Variants in HECTD4 observed in about 807,000 individuals in gnomAD.
HECTD4 encodes the protein probable E3 ubiquitin-protein ligase HECTD4.
A neutral mutation model predicts 471.5 loss-of-function variants in HECTD4; 114 were observed. The observed-to-expected ratio is 0.24, with a 90% CI of 0.21 to 0.28. HECTD4 has a LOEUF of 0.28. HECTD4 is among the 10% of genes least tolerant of loss of function. HECTD4 has a pLI of 1.00. For synonymous variants in HECTD4, 2,012 were observed against 2,256.0 expected, an observed-to-expected ratio of 0.89 and a Z score of 3.07; for missense variants, 3,866 against 5,651.5, an observed-to-expected ratio of 0.68 and a Z score of 10.13.
rs770457144 is a variant in HECTD4 at position 112,235,228 on chromosome 12, C to T, written c.5764G>A (p.Asp1922Asn). The T allele has an allele frequency of 1.9e-6, 3 of 1,613,826 alleles. No individual in the cohort carries two copies. Among genetic ancestry groups the T allele is most frequent in the African/African-American group, 2.7e-5 (2 of 74,904 alleles). ...TVLSPTASEP[D>N]TTLTKTSPKN... ...GGACTGGTTTTTGTCAATGTGGTGTCAGGTTCAGAAGCGGTTGGAGAAAGA... is the reference window on the plus strand; with the variant it reads ...GGACTGGTTTTTGTCAATGTGGTGTTAGGTTCAGAAGCGGTTGGAGAAAGA... The change falls in exon 37 of 76, where the codon GAC (aspartate) becomes AAC (asparagine). Residue 1922 changes from aspartate (D) to asparagine (N), a missense_variant. Asp to Asn is a conservative substitution (Grantham distance 23, BLOSUM62 1). Transcript: ENST00000682272. The surrounding 1 kb of genome is among the most constrained non-coding windows in gnomAD (Gnocchi z 5.0).
intron 67 of HECTD4, among the ~76,000 whole-genome samples, chr12:112,171,776 G>A (rs1215283910): frequency 6.6e-6 from 1 of 152,224 alleles, no homozygotes; most frequent in Non-Finnish European, 1.5e-5. Flanking sequence ...GAAAGAGCCA[G>A]GGCTCTGTGT....
rs1272472414 is a variant in HECTD4 at position 112,243,221 on chromosome 12, C to T, written c.4958+132G>A. On this transcript the variant is annotated intron_variant, in intron 32 of 75. Transcript: ENST00000682272. This position sits in a 1 kb window ranked among gnomAD's most constrained non-coding sequence, Gnocchi z 6.6. ...GTTGAGTTTTTTGCAAGATCATGTACCACTTTTATATAAATATTTTAGAGG... is the reference window on the plus strand; with the variant it reads ...GTTGAGTTTTTTGCAAGATCATGTATCACTTTTATATAAATATTTTAGAGG... The T allele has an allele frequency of 3.7e-6, 3 of 821,264 alleles. No homozygotes were observed. The highest frequency in any genetic ancestry group is 2.9e-5 in the Admixed American group (1 of 34,172). 50.9% of individuals were successfully genotyped at this position (821,264 alleles called of 1,614,324 possible).
chr12:112,312,021 T>G (rs994486892), intron 4 of HECTD4, among the ~76,000 whole-genome samples: 10 of 152,154 alleles, frequency 6.6e-5, no homozygotes, highest in African/African-American at 2.4e-4. Context: ...AGCCCTGGGC[T>G]GAGAGATGCG....
chr12:112,211,560 G>A lies in HECTD4; in HGVS notation c.7629+927C>T, dbSNP rs551027032. On this transcript the variant is annotated intron_variant, in intron 49 of 75. Transcript: ENST00000682272. ...AAAAAAAAAAAGATAAGACGTGAAC[G>A]GGCAAGAATGGGGACTGGGAGAGGA... is the stretch of plus-strand genomic sequence containing the variant. Among the ~76,000 whole-genome samples, 27 of 152,004 alleles carry A rather than the reference G, an allele frequency of 1.8e-4. No individual in the cohort carries two copies. In the South Asian group the frequency reaches 4.8e-3, roughly 27 times the overall value.
At chr12:112,286,044 C>G (rs1489141022) in intron 7 of HECTD4, among the ~76,000 whole-genome samples, 2 of 152,104 alleles carry the variant, frequency 1.3e-5, no homozygotes, top group Admixed American at 1.3e-4. Context: ...AAACAAAACA[C>G]TATATTATTG....
rs778069663 is a variant in HECTD4, at chr12:112,184,525, T to C, written c.10441A>G (p.Met3481Val). The C allele has an allele frequency of 4.4e-6, 7 of 1,608,530 alleles. No individual in the cohort carries two copies. Among genetic ancestry groups the C allele is most frequent in the East Asian group, 4.5e-5 (2 of 44,834 alleles). The stretch of plus-strand genomic sequence containing the variant: ...GTGGAGGCGGAGGCGCTGATGCTCA[T>C]GGCGGGGGTCAGGCTGCTGGACGTG... ...VSTSSSLTPA[M>V]SISASASTSQ... is the part of the protein sequence containing the mutation. The change falls in exon 61 of 76, where the codon ATG becomes GTG. Residue 3481 changes from methionine (M) to valine (V), a missense_variant. Met to Val is a conservative substitution (Grantham distance 21). Around this residue, in one of 16 missense-constraint regions of HECTD4, gnomAD observed 192 missense variants for 189.9 expected, o/e 1.01. Coordinates refer to ENST00000682272, the MANE Select transcript of HECTD4 (RefSeq NM_001388303.1). This position sits in a 1 kb window ranked among gnomAD's most constrained non-coding sequence, Gnocchi z 9.1.
At position 112,247,552 on chromosome 12, in the gene HECTD4, TA is replaced by T; in HGVS notation, c.4249-3del. Reference sequence around the variant, plus strand: ...AAGTTCTAGTTCTTTCATTTTGTTCTAAAGAAAAAAAAGATGGTATGCAGAA... The same window carrying T: ...AAGTTCTAGTTCTTTCATTTTGTTCTAAGAAAAAAAAGATGGTATGCAGAA... On this transcript the variant is annotated splice_polypyrimidine_tract_variant and splice_region_variant and intron_variant, in intron 27 of 75. Transcript: ENST00000682272. The T allele has an allele frequency of 6.9e-7, 1 of 1,447,298 alleles. No individual in the cohort carries two copies. Among genetic ancestry groups the T allele is most frequent in the Non-Finnish European group, 9.3e-7 (1 of 1,075,448 alleles). The allele number at this position is 1,447,298 out of a possible 1,614,324, so 89.7% of individuals were successfully genotyped here.
chr12:112,341,846 G>T (rs1362361710), intron 1 of HECTD4, among the ~76,000 whole-genome samples: 1 of 152,154 alleles, frequency 6.6e-6, no homozygotes, highest in African/African-American at 2.4e-5. Flanking sequence ...TCCCATCTTA[G>T]CAGACCAGGG....
At chr12:112,204,682 C>A in intron 52 of HECTD4, 59 bp from the exon 53 acceptor site, 1 of 1,290,570 alleles carries the variant, frequency 7.7e-7, no homozygotes, top group South Asian at 1.3e-5. Flanking sequence ...TCAACCATGA[C>A]ACTGACTTAC....
chr12:112,204,417 A>G (rs1435409755), intron 53 of HECTD4, 69 bp downstream of exon 53: 1 of 1,426,436 alleles, frequency 7.0e-7, no homozygotes, highest in Non-Finnish European at 9.7e-7. Flanking sequence ...CTGCTTGTGC[A>G]CATTAAGGAA....
chr12:112,204,421 TA>T, intron 53 of HECTD4, 64 bp downstream of exon 53: 1 of 1,472,370 alleles, frequency 6.8e-7, no homozygotes, highest in Non-Finnish European at 9.4e-7. Flanking sequence ...TTGTGCACAT[TA>T]AGGAAAATTC....
rs757213940 is a variant in HECTD4 at position 112,241,671 on chromosome 12, G to A, written c.4959-1644C>T. The stretch of plus-strand genomic sequence containing the variant: ...GACAGGGTCTCACTATATTGCCCAG[G>A]CTGGTCTTGAACTCCTAGCCTCAAG... On this transcript the variant is annotated intron_variant, in intron 32 of 75. Coordinates refer to ENST00000682272, the MANE Select transcript of HECTD4 (RefSeq NM_001388303.1). Among the ~76,000 whole-genome samples the A allele has an allele frequency of 3.9e-5, 6 of 152,062 alleles. No homozygotes were observed. In the East Asian group the frequency reaches 9.6e-4, roughly 24 times the overall value.
At chr12:112,293,209 T>C (rs1195613740) in intron 7 of HECTD4, among the ~76,000 whole-genome samples, 2 of 149,242 alleles carry the variant, frequency 1.3e-5, no homozygotes, top group Non-Finnish European at 3.0e-5. Context: ...CTACTAAAAA[T>C]ACAAAAATTA....
intron 62 of HECTD4, among the ~76,000 whole-genome samples, chr12:112,182,506 A>T (rs187043431): frequency 1.3e-5 from 2 of 152,330 alleles, no homozygotes; most frequent in East Asian, 3.9e-4. Flanking sequence ...TTTCTTTCCC[A>T]GGAGTCAGTT....
intron 1 of HECTD4, among the ~76,000 whole-genome samples, chr12:112,362,632 T>C (rs2036471621): frequency 1.3e-5 from 2 of 152,076 alleles, no homozygotes; most frequent in African/African-American, 4.8e-5. Context: ...AAGTTGGTGG[T>C]GGTGGAGGCA....
At chr12:112,251,735 T>G (rs895329340) in intron 23 of HECTD4, among the ~76,000 whole-genome samples, 7 of 152,272 alleles carry the variant, frequency 4.6e-5, no homozygotes, top group Admixed American at 3.3e-4. Flanking sequence ...ACTGGAGGGG[T>G]AAGTAGGATG....
chr12:112,315,301 T>C (rs979415765), intron 2 of HECTD4, among the ~76,000 whole-genome samples: 1 of 152,218 alleles, frequency 6.6e-6, no homozygotes, highest in African/African-American at 2.4e-5. Context: ...CCTTAGTCTC[T>C]TAGCCAAGGC....
chr12:112,367,040 G>A (rs1421952154), intron 1 of HECTD4, among the ~76,000 whole-genome samples: 1 of 150,988 alleles, frequency 6.6e-6, no homozygotes, highest in African/African-American at 2.4e-5. Context: ...AGTGGCTCAC[G>A]CATGTAATCC....
chr12:112,261,693 C>T (rs1278710138), intron 17 of HECTD4: 2 of 274,310 alleles, frequency 7.3e-6, no homozygotes, highest in Non-Finnish European at 1.4e-5. Context: ...CACACTGAGT[C>T]CCTAGGAGAA....
Sources: allele counts gnomAD v4.1 joint callset (sites outside exome capture counted in the v4.1 genomes callset), GRCh38; gene constraint gnomAD v4.1.1; regional missense constraint gnomAD v4.1.1; non-coding constraint Gnocchi (gnomAD v3.1); transcripts MANE v1.5; gene names NCBI Gene and HGNC (gene_info 2026-07-23, HGNC 2026-07-21).